Variants in CACNA1E observed in about 807,000 individuals in gnomAD.
The protein encoded by CACNA1E is voltage-dependent R-type calcium channel subunit alpha-1E.
In CACNA1E, 40 loss-of-function variants were observed where a neutral mutation model predicts 259.2. The ratio of observed to expected loss-of-function variants is 0.15; its 90% CI spans 0.12 to 0.20. CACNA1E has a LOEUF of 0.20. CACNA1E is among the 10% of genes least tolerant of loss of function. The pLI is 1.00. For missense variants in CACNA1E, 1,874 were observed against 3,040.1 expected (o/e 0.62, Z 9.02); for synonymous variants, 1,104 against 1,138.5 (o/e 0.97, Z 0.61).
At chr1:181,326,299 T>A (rs1299173290) in intron 1 of CACNA1E, among the ~76,000 whole-genome samples, 2 of 152,232 alleles carry the variant, frequency 1.3e-5, no homozygotes, top group Non-Finnish European at 2.9e-5. Context: ...AGAATTATTG[T>A]GAGGTTTGGA....
At position 181,785,386 on chromosome 1, in the gene CACNA1E, G is replaced by C. The variant is rs557456591; in HGVS notation, c.5647G>C (p.Val1883Leu). Residue 1883 changes from valine (V) to leucine (L), a missense_variant, in exon 42 of 48, where the codon GTG (valine) becomes CTG (leucine). Around this residue, in one of 14 missense-constraint regions of CACNA1E, gnomAD observed 542 missense variants for 587.2 expected, o/e 0.92. Transcript: ENST00000367573. Reference protein sequence around the residue: ...MIMDYYKQSKVKKQRQQLEEQ... With the variant: ...MIMDYYKQSKLKKQRQQLEEQ... ...CATGGACTACTATAAGCAGAGTAAG[G>C]TGAAGAAGCAGAGGCAGCAGCTGGA... 25 of 1,613,236 alleles carry C rather than the reference G, an allele frequency of 1.5e-5. No individual in the cohort carries two copies. Among genetic ancestry groups the C allele is most frequent in the Non-Finnish European group, 2.0e-5 (24 of 1,179,514 alleles).
At chr1:181,540,036 C>T (rs1195998486) in intron 3 of CACNA1E, among the ~76,000 whole-genome samples, 1 of 152,166 alleles carries the variant, frequency 6.6e-6, no homozygotes, top group Admixed American at 6.5e-5. Context: ...AGCAGATGCT[C>T]AATGAACACC....
At chr1:181,425,054 C>T (rs920339903) in intron 2 of CACNA1E, among the ~76,000 whole-genome samples, 1 of 152,212 alleles carries the variant, frequency 6.6e-6, no homozygotes, top group African/African-American at 2.4e-5. Context: ...CGCCCTCTAG[C>T]GCCAGCTGCT....
intron 1 of CACNA1E, among the ~76,000 whole-genome samples, chr1:181,349,514 A>G (rs1186551527): frequency 1.3e-5 from 2 of 152,182 alleles, no homozygotes; most frequent in Non-Finnish European, 2.9e-5. Flanking sequence ...AGGGAAGACA[A>G]TAGAGAAGGG....
At chr1:181,504,008 T>TA (rs1157961134) in intron 1 of CACNA1E, among the ~76,000 whole-genome samples, 1 of 152,244 alleles carries the variant, frequency 6.6e-6, no homozygotes, top group Non-Finnish European at 1.5e-5. Flanking sequence ...AATCACAGAC[T>TA]AGTTAAGGCT....
chr1:181,345,225 C>T (rs1012573354), intron 1 of CACNA1E, among the ~76,000 whole-genome samples: 5 of 152,246 alleles, frequency 3.3e-5, no homozygotes, highest in African/African-American at 9.6e-5. Flanking sequence ...GAGCCGTCAT[C>T]GGCTGTGCTG....
chr1:181,458,834 C>T (rs920127196), intron 2 of CACNA1E, among the ~76,000 whole-genome samples: 1 of 137,474 alleles, frequency 7.3e-6, no homozygotes, highest in East Asian at 2.1e-4. Flanking sequence ...CCCATCCATC[C>T]ATCCATCCAT....
At chr1:181,543,799 C>T (rs1668774225) in intron 3 of CACNA1E, among the ~76,000 whole-genome samples, 1 of 152,216 alleles carries the variant, frequency 6.6e-6, no homozygotes, top group African/African-American at 2.4e-5. Flanking sequence ...TACCACCTCA[C>T]ACCCATTAGG....
chr1:181,391,089 A>G (rs1656238058), intron 1 of CACNA1E, among the ~76,000 whole-genome samples: 1 of 152,196 alleles, frequency 6.6e-6, no homozygotes, highest in African/African-American at 2.4e-5. Context: ...TTCTGTCTTA[A>G]AAAGAGAGCT....
At chr1:181,684,963 A>G (rs1169835302) in intron 7 of CACNA1E, among the ~76,000 whole-genome samples, 1 of 151,604 alleles carries the variant, frequency 6.6e-6, no homozygotes, top group Non-Finnish European at 1.5e-5. Context: ...CTTTGAATTA[A>G]AGGAGTACAT....
At chr1:181,547,268 C>T (rs1241204758) in intron 3 of CACNA1E, among the ~76,000 whole-genome samples, 1 of 151,994 alleles carries the variant, frequency 6.6e-6, no homozygotes, top group Admixed American at 6.6e-5. Flanking sequence ...TTAACTCCAG[C>T]AGTGCTGATG....
At chr1:181,508,717 T>A (rs79651869) in intron 1 of CACNA1E, among the ~76,000 whole-genome samples, 21,458 of 152,214 alleles carry the variant, frequency 0.14, 1,617 homozygotes, top group Non-Finnish European at 0.17. Context: ...GTGGTCATGC[T>A]AGCTGGGTGG....
chr1:181,694,542 C>T (rs1053602354), intron 7 of CACNA1E, among the ~76,000 whole-genome samples: 1 of 152,200 alleles, frequency 6.6e-6, no homozygotes, highest in African/African-American at 2.4e-5. Context: ...ATTCATCCCA[C>T]TTTCCCATGC....
In CACNA1E at chr1:181,803,843, C is replaced by G. The variant is rs1202315882; in HGVS notation, c.*5009C>G. ...CCTACCCAAAGGGCCTGAAAAGCCT[C>G]TCTAAACAAAACTCAAGATAGCTGA... On this transcript the variant is annotated 3_prime_UTR_variant, in exon 48 of 48. Transcript: ENST00000367573. The G allele has an allele frequency of 6.6e-6, 1 of 152,200 alleles. No homozygotes were observed. The highest frequency in any genetic ancestry group is 1.5e-5 in the Non-Finnish European group (1 of 68,050). 9.4% of individuals were successfully genotyped at this position (152,200 alleles called of 1,614,324 possible).
intron 6 of CACNA1E, among the ~76,000 whole-genome samples, chr1:181,615,094 T>G (rs903589919): frequency 2.0e-5 from 3 of 152,286 alleles, no homozygotes; most frequent in Middle Eastern, 3.4e-3. Flanking sequence ...TAATATTGAG[T>G]TTTCTCATTC....
At chr1:181,728,756 G>C (rs986652884) in intron 18 of CACNA1E, among the ~76,000 whole-genome samples, 3 of 148,514 alleles carry the variant, frequency 2.0e-5, no homozygotes, top group Non-Finnish European at 4.5e-5. Flanking sequence ...TGTGCATTTT[G>C]CTCGGGTGTG....
chr1:181,636,869 A>G (rs1657261261), intron 6 of CACNA1E, among the ~76,000 whole-genome samples: 1 of 152,218 alleles, frequency 6.6e-6, no homozygotes. Context: ...CCCAAATGCC[A>G]CGGGGCTGGT....
chr1:181,584,881 T>A (rs1651898262), intron 6 of CACNA1E, among the ~76,000 whole-genome samples: 1 of 152,228 alleles, frequency 6.6e-6, no homozygotes, highest in African/African-American at 2.4e-5. Flanking sequence ...ATGAACCAAC[T>A]GACCTAGGAT....
rs1246642113 is a variant in CACNA1E, at chr1:181,806,787, C to A, written c.*7953C>A. ...AAATAAAACCTTGTTGTAAAGAATG[C>A]ATCGGCCTGATTTCCCTCACTTGAT... On this transcript the variant is annotated 3_prime_UTR_variant, in exon 48 of 48. Coordinates refer to ENST00000367573, the MANE Select transcript of CACNA1E (RefSeq NM_001205293.3). 6.6e-6 allele frequency: 1 copy of A among 152,140 alleles called. No homozygotes were observed. Among genetic ancestry groups the A allele is most frequent in the Non-Finnish European group, 1.5e-5 (1 of 68,020 alleles). The allele number at this position is 152,140 out of a possible 1,614,324, so 9.4% of individuals were successfully genotyped here. A position where few individuals can be genotyped will look rare whatever the true frequency, so the allele number is the denominator to read the frequency against.
Sources: gnomAD v4.1 joint callset for allele counts (sites outside exome capture counted in the v4.1 genomes callset) on GRCh38, gnomAD v4.1.1 for gene constraint, gnomAD v4.1.1 regional missense constraint, MANE v1.5 for transcripts, NCBI Gene and HGNC (gene_info 2026-07-23, HGNC 2026-07-21) for gene names.